The following GRIA3 variants were observed in gnomAD, a reference collection of about 807,000 sequenced individuals.
GRIA3 encodes glutamate receptor 3.
In GRIA3, 3 loss-of-function variants were observed where a neutral mutation model predicts 63.0. The observed-to-expected ratio is 0.05, with a 90% CI of 0.02 to 0.12. The LOEUF is 0.12. Ranked by LOEUF, GRIA3 falls within the 10% of genes least tolerant of loss-of-function variation. The probability of loss-of-function intolerance (pLI) is 1.00; values close to 1 mark genes in which losing one functional copy is unlikely to be tolerated. For missense variants in GRIA3, 347 were observed against 700.9 expected (o/e 0.50, Z 5.70); for synonymous variants, 274 against 257.9 (o/e 1.06, Z -0.60).
chrX:123,379,648 T>C (rs749834939), intron 5 of GRIA3, among the ~76,000 whole-genome samples: 60 of 104,912 alleles, frequency 5.7e-4, no homozygotes, highest in African/African-American at 2.0e-3. Context: ...TTGTAAAATT[T>C]ATTTTTTTAT....
At chrX:123,356,340 T>A (rs2045133717) in intron 5 of GRIA3, among the ~76,000 whole-genome samples, 1 of 109,681 alleles carries the variant, frequency 9.1e-6, no homozygotes, top group Admixed American at 9.8e-5. Flanking sequence ...CTCCTCTTCC[T>A]TCATCTCTTT....
chrX:123,433,959 AAAGGAGTCCCTGCT>A (rs201785520), intron 12 of GRIA3, among the ~76,000 whole-genome samples: 1,631 of 111,898 alleles, frequency 0.015, 25 homozygotes, highest in African/African-American at 0.049. Context: ...GCTGATTTGA[AAAGGAGTCCCTGCT>A]AATAGCATTT....
chrX:123,322,436 A>T (rs1156765747), intron 3 of GRIA3, among the ~76,000 whole-genome samples: 1 of 111,795 alleles, frequency 8.9e-6, no homozygotes, highest in East Asian at 2.8e-4. Flanking sequence ...GCTCACAGAG[A>T]GTGGATGACA....
intron 3 of GRIA3, among the ~76,000 whole-genome samples, chrX:123,311,454 A>G (rs1316648212): frequency 8.9e-6 from 1 of 112,247 alleles, no homozygotes; most frequent in African/African-American, 3.2e-5. Flanking sequence ...AAGAATTAAT[A>G]TATTTGACTT....
chrX:123,380,679 A>G (rs1419527323), intron 5 of GRIA3, among the ~76,000 whole-genome samples: 2 of 111,627 alleles, frequency 1.8e-5, no homozygotes, highest in Admixed American at 9.5e-5. Flanking sequence ...TTTGGCTTTC[A>G]TTGCCATTGC....
At position 123,211,294 on chromosome X, in the gene GRIA3, CTA is replaced by C. The variant is rs769772979; in HGVS notation, c.268+25307_268+25308del. On this transcript the variant is annotated intron_variant, in intron 2 of 15. Transcript: ENST00000620443. ...CTGAGACCCCAGGGCAAAAGACTGG[CTA>C]TAAATACCTTACAAGTCATCCCCAC... is the stretch of plus-strand genomic sequence containing the variant. 9.8e-5 allele frequency among the ~76,000 whole-genome samples: 11 copies of C among 111,700 alleles called. No homozygotes were observed. In the Admixed American group the frequency reaches 1.0e-3, roughly 11 times the overall value.
intron 2 of GRIA3, among the ~76,000 whole-genome samples, chrX:123,215,176 C>A (rs1051789860): frequency 8.9e-6 from 1 of 111,959 alleles, no homozygotes; most frequent in Non-Finnish European, 1.9e-5. Context: ...AAGAACAATG[C>A]ACAGAACAAG....
In GRIA3 at chrX:123,404,726, T is replaced by C. The variant is rs776776111; in HGVS notation, c.1312T>C (p.Tyr438His). 2 of 1,201,703 alleles carry C rather than the reference T, an allele frequency of 1.7e-6. No individual in the cohort carries two copies. The highest frequency in any genetic ancestry group is 2.3e-6 in the Non-Finnish European group (2 of 886,370). ...CCCAAAGGAATCACCATATGTAATGTACAAGAAGAACCATGAGCAACTGGA... is the reference window on the plus strand; with the variant it reads ...CCCAAAGGAATCACCATATGTAATGCACAAGAAGAACCATGAGCAACTGGA... ...TTILESPYVM[Y>H]KKNHEQLEGN... Residue 438 changes from tyrosine to histidine, a missense_variant, in exon 10 of 16, where the codon TAC becomes CAC. By Grantham distance (83) the Tyr-to-His change is moderately conservative (BLOSUM62 2). Coordinates refer to ENST00000620443, the MANE Select transcript of GRIA3 (RefSeq NM_007325.5).
chrX:123,306,266 C>T (rs963089357), intron 3 of GRIA3, among the ~76,000 whole-genome samples: 14 of 111,639 alleles, frequency 1.3e-4, no homozygotes, highest in African/African-American at 4.2e-4. Flanking sequence ...GCCACCAAAT[C>T]GCAAGTTGAC....
rs992116036 is a variant in GRIA3 at position 123,331,994 on chromosome X, G to A, written c.696+5781G>A. ...CCATAGCTATTTGCTCATGAGTGGTGAGTTTCTGTGTTCATGAAAATCAGT... is the reference window on the plus strand; with the variant it reads ...CCATAGCTATTTGCTCATGAGTGGTAAGTTTCTGTGTTCATGAAAATCAGT... On this transcript the variant is annotated intron_variant, in intron 4 of 15. Transcript: ENST00000620443. 1.1e-3 allele frequency among the ~76,000 whole-genome samples: 118 copies of A among 111,760 alleles called. No homozygotes were observed. In the Admixed American group the frequency reaches 0.011, roughly 11 times the overall value.
At chrX:123,360,849 TCTCTCTCA>T (rs1161452073) in intron 5 of GRIA3, among the ~76,000 whole-genome samples, 7 of 28,042 alleles carry the variant, frequency 2.5e-4, no homozygotes, top group African/African-American at 8.7e-4. Flanking sequence ...TCTCTCTCTC[TCTCTCTCA>T]CACACACACA....
chrX:123,405,100 C>T (rs1307964152), intron 10 of GRIA3, among the ~76,000 whole-genome samples, 186 bp downstream of exon 10: 2 of 112,411 alleles, frequency 1.8e-5, no homozygotes, highest in African/African-American at 3.2e-5. Flanking sequence ...CTTTGGACAA[C>T]AGGATTATTT....
intron 2 of GRIA3, among the ~76,000 whole-genome samples, chrX:123,246,879 CAA>C (rs11435824): frequency 3.3e-5 from 3 of 92,105 alleles, no homozygotes; most frequent in African/African-American, 7.9e-5. Context: ...TACTGTCTTT[CAA>C]AAAAAAAAAA....
At chrX:123,355,257 G>C (rs2045125099) in intron 5 of GRIA3, among the ~76,000 whole-genome samples, 1 of 112,243 alleles carries the variant, frequency 8.9e-6, no homozygotes, top group African/African-American at 3.2e-5. Context: ...GGGTTTGAAA[G>C]ATAAACCATG....
chrX:123,338,927 T>C (rs1006186361), intron 4 of GRIA3, among the ~76,000 whole-genome samples: 2 of 112,382 alleles, frequency 1.8e-5, no homozygotes, highest in Non-Finnish European at 3.8e-5. Context: ...GAGCCAATAG[T>C]AAATGGTATG....
chrX:123,483,061 T>C lies in GRIA3; in HGVS notation c.*2+15T>C, dbSNP rs774225274. On this transcript the variant is annotated intron_variant, in intron 15 of 15. Transcript: ENST00000620443. ...AAGATCTAGGGGTACGGTTAAGGTCTAGTAAACTAATCAGCTTTACTTTAC... is the reference window on the plus strand; with the variant it reads ...AAGATCTAGGGGTACGGTTAAGGTCCAGTAAACTAATCAGCTTTACTTTAC... 1.7e-6 allele frequency: 2 copies of C among 1,176,118 alleles called. No individual in the cohort carries two copies. Among genetic ancestry groups the C allele is most frequent in the South Asian group, 3.6e-5 (2 of 56,086 alleles).
Position 123,227,977 on chromosome X carries a change from CGT to C in GRIA3, c.269-25323_269-25322del, listed in dbSNP as rs765462891. On this transcript the variant is annotated intron_variant, in intron 2 of 15. Transcript: ENST00000620443. ...TGCATTCAAGGCTGTTTGAACTTTCCGTGTTAAGCCTTCGCTTCCATTTTGGA... is the reference window on the plus strand; with the variant it reads ...TGCATTCAAGGCTGTTTGAACTTTCCGTTAAGCCTTCGCTTCCATTTTGGA... 8.9e-5 allele frequency among the ~76,000 whole-genome samples: 10 copies of C among 111,926 alleles called. No homozygotes were observed. In the South Asian group the frequency reaches 3.8e-3, roughly 42 times the overall value.
rs769869679 is a variant in GRIA3 at position 123,372,468 on chromosome X, T to C, written c.750+17505T>C. On this transcript the variant is annotated intron_variant, in intron 5 of 15. Transcript: ENST00000620443. The stretch of plus-strand genomic sequence containing the variant: ...AATCTGTAGATTTCTTTGAGTAGTA[T>C]GGACATTGCAACAATATTGATTCTT... 1.9e-3 allele frequency among the ~76,000 whole-genome samples: 214 copies of C among 112,357 alleles called. 3 individuals carry two copies. Among genetic ancestry groups the C allele is most frequent in the Non-Finnish European group, 2.2e-3 (115 of 53,245 alleles).
chrX:123,301,197 T>C (rs976857945), intron 3 of GRIA3, among the ~76,000 whole-genome samples: 4 of 111,165 alleles, frequency 3.6e-5, no homozygotes, highest in African/African-American at 1.3e-4. Flanking sequence ...TTTGGTCCAG[T>C]GTTGAGTTCA....
Sources: allele counts gnomAD v4.1 joint callset (sites outside exome capture counted in the v4.1 genomes callset), GRCh38; gene constraint gnomAD v4.1.1; transcripts MANE v1.5; gene names NCBI Gene and HGNC (gene_info 2026-07-23, HGNC 2026-07-21).